Variants in TRAM2 observed in about 807,000 individuals in gnomAD.
TRAM2 encodes translocating chain-associated membrane protein 2.
A neutral mutation model predicts 51.0 loss-of-function variants in TRAM2; 12 were observed. The ratio of observed to expected loss-of-function variants is 0.24; its 90% CI spans 0.15 to 0.38. The LOEUF (loss-of-function observed/expected upper bound fraction) is 0.38. Among genes scored for constraint, TRAM2 ranks in the 10% least tolerant of loss-of-function variants. TRAM2 has a pLI of 1.00. For missense variants in TRAM2, 361 were observed against 462.0 expected, an observed-to-expected ratio of 0.78 and a Z score of 2.00; for synonymous variants, 175 against 179.4, an observed-to-expected ratio of 0.98 and a Z score of 0.20.
Position 52,541,803 on chromosome 6 carries a change from G to GTTTTTTTTTTTTTTTTTTTT in TRAM2, c.121-5958_121-5957insAAAAAAAAAAAAAAAAAAAA, listed in dbSNP as rs56919932. Among the ~76,000 whole-genome samples the GTTTTTTTTTTTTTTTTTTTT allele has an allele frequency of 2.2e-4, 30 of 138,724 alleles. 1 individual carries two copies. The highest frequency in any genetic ancestry group is 5.8e-4 in the African/African-American group (22 of 37,614). 91.0% of individuals were successfully genotyped at this position (138,724 alleles called of 152,430 possible). ...TAAATCCTTTGGTTCAGTTTATTCT[G>GTTTTTTTTTTTTTTTTTTTT]TTTTTTTTTTTTTTGGCAGACACAT... is the stretch of plus-strand genomic sequence containing the variant. On this transcript the variant is annotated intron_variant, in intron 1 of 10. Coordinates refer to ENST00000182527, the MANE Select transcript of TRAM2 (RefSeq NM_012288.4).
In TRAM2 at chr6:52,501,251, G is replaced by A. The variant is rs1766216237; in HGVS notation, c.*1946C>T. ...TAAGGGTAATCAAAAGCAACCACGG[G>A]TAGCTCTTCCCATTTCTGCAACCTT... On this transcript the variant is annotated 3_prime_UTR_variant, in exon 11 of 11. Coordinates refer to ENST00000182527, the MANE Select transcript of TRAM2 (RefSeq NM_012288.4). The A allele has an allele frequency of 6.6e-6, 1 of 152,198 alleles. No homozygotes were observed. The highest frequency in any genetic ancestry group is 1.5e-5 in the Non-Finnish European group (1 of 68,024). 9.4% of individuals were successfully genotyped at this position (152,198 alleles called of 1,614,324 possible).
intron 2 of TRAM2, among the ~76,000 whole-genome samples, chr6:52,520,438 G>A (rs1033724998): frequency 3.9e-5 from 6 of 152,258 alleles, no homozygotes; most frequent in Non-Finnish European, 8.8e-5. Flanking sequence ...GGGAATTCCA[G>A]GCAGAGCAAT....
intron 1 of TRAM2, among the ~76,000 whole-genome samples, chr6:52,542,721 T>C (rs1454935673): frequency 1.3e-5 from 2 of 152,206 alleles, no homozygotes; most frequent in Non-Finnish European, 2.9e-5. Context: ...AGTGACATTG[T>C]GTATTTATGA....
intron 1 of TRAM2, among the ~76,000 whole-genome samples, chr6:52,556,039 T>C (rs1767399292): frequency 1.3e-5 from 2 of 152,318 alleles, no homozygotes; most frequent in South Asian, 4.1e-4. Context: ...CTGATCTCCA[T>C]TTAATTTAAC....
intron 1 of TRAM2, among the ~76,000 whole-genome samples, chr6:52,540,083 G>A (rs75526833): frequency 0.085 from 12,886 of 151,180 alleles, 751 homozygotes; most frequent in Non-Finnish European, 0.12. Context: ...ATTCTAAAAA[G>A]TGCAACTTTC....
At chr6:52,510,765 A>G (rs757941834) in intron 4 of TRAM2, among the ~76,000 whole-genome samples, 34 of 152,224 alleles carry the variant, frequency 2.2e-4, no homozygotes, top group Admixed American at 1.9e-3. Context: ...AGAAATTAGA[A>G]TTAATAGTGT....
At chr6:52,516,374 C>A (rs1766549820) in intron 3 of TRAM2, 2 of 593,050 alleles carry the variant, frequency 3.4e-6, no homozygotes, top group African/African-American at 1.9e-5. Context: ...ACTCAATGTG[C>A]CCCAGACCCA....
In TRAM2 at chr6:52,498,553, AGAG is replaced by A. The variant is rs1230879774; in HGVS notation, c.*4641_*4643del. The A allele has an allele frequency of 6.6e-6, 1 of 152,216 alleles. No homozygotes were observed. The highest frequency in any genetic ancestry group is 2.4e-5 in the African/African-American group (1 of 41,438). 9.4% of individuals were successfully genotyped at this position (152,216 alleles called of 1,614,324 possible). On this transcript the variant is annotated 3_prime_UTR_variant, in exon 11 of 11. Coordinates refer to ENST00000182527, the MANE Select transcript of TRAM2 (RefSeq NM_012288.4). ...GAGAAGGAGTTTGCTATGTGGGGCCAGAGGAGAGTTTTCGAAGTGGGGGCTGGA... is the reference window on the plus strand; with the variant it reads ...GAGAAGGAGTTTGCTATGTGGGGCCAGAGAGTTTTCGAAGTGGGGGCTGGA...
chr6:52,562,597 A>G (rs1767519248), intron 1 of TRAM2, among the ~76,000 whole-genome samples: 2 of 152,198 alleles, frequency 1.3e-5, no homozygotes, highest in Admixed American at 1.3e-4. Context: ...TCTAGGGTAC[A>G]TGTGCAGAAC....
intron 4 of TRAM2, 94 bp from the exon 5 acceptor site, chr6:52,509,680 C>T (rs1766418957): frequency 1.1e-5 from 11 of 1,025,614 alleles, no homozygotes; most frequent in African/African-American, 1.6e-5. Flanking sequence ...TGCATCCAGT[C>T]CCCACCTGAC....
intron 3 of TRAM2, 174 bp from the exon 4 acceptor site, chr6:52,516,296 G>A: frequency 3.1e-6 from 2 of 636,166 alleles, no homozygotes; most frequent in Non-Finnish European, 5.5e-6. Flanking sequence ...CTTGGTCTAA[G>A]GCAAGCATTT....
rs750112216 is a variant in TRAM2, at chr6:52,499,766, G to C, written c.*3431C>G. 1.3e-5 allele frequency: 2 copies of C among 152,276 alleles called. No individual in the cohort carries two copies. The highest frequency in any genetic ancestry group is 4.1e-4 in the South Asian group (2 of 4,822). The allele number at this position is 152,276 out of a possible 1,614,324, so 9.4% of individuals were successfully genotyped here. On this transcript the variant is annotated 3_prime_UTR_variant, in exon 11 of 11. Transcript: ENST00000182527. ...TCTATTGGGGTTTCTTAAATGTTGG[G>C]AAGTTATGCCTTGGGACATGAACAG... is the stretch of plus-strand genomic sequence containing the variant.
intron 4 of TRAM2, among the ~76,000 whole-genome samples, chr6:52,514,945 C>T (rs1435738862): frequency 6.6e-6 from 1 of 152,124 alleles, no homozygotes; most frequent in Non-Finnish European, 1.5e-5. Flanking sequence ...GTCTTGGGCC[C>T]CCCATTTAAA....
At chr6:52,541,803 G>GTTTTTTTTTTTTTTTTTTTTTTTTT (rs56919932) in intron 1 of TRAM2, among the ~76,000 whole-genome samples, 31 of 138,728 alleles carry the variant, frequency 2.2e-4, no homozygotes, top group South Asian at 7.1e-4. Flanking sequence ...AGTTTATTCT[G>GTTTTTTTTTTTTTTTTTTTTTTTTT]TTTTTTTTTT....
chr6:52,526,840 C>T (rs971550199), intron 2 of TRAM2, among the ~76,000 whole-genome samples: 9 of 152,182 alleles, frequency 5.9e-5, no homozygotes, highest in Non-Finnish European at 1.3e-4. Context: ...CATACAACAT[C>T]GCCTGGGCAT....
At position 52,526,976 on chromosome 6, in the gene TRAM2, AT is replaced by A. The variant is rs1237394546; in HGVS notation, c.184+8806del. 4.6e-5 allele frequency among the ~76,000 whole-genome samples: 7 copies of A among 152,312 alleles called. No homozygotes were observed. In the East Asian group the frequency reaches 1.2e-3, roughly 25 times the overall value. Reference sequence around the variant, plus strand: ...TCTCTCAAGAATCACATACAAAAAAATTTTTTTTAATTAAGGCTTTTTTTTT... The same window carrying A: ...TCTCTCAAGAATCACATACAAAAAAATTTTTTTAATTAAGGCTTTTTTTTT... On this transcript the variant is annotated intron_variant, in intron 2 of 10. Coordinates refer to ENST00000182527, the MANE Select transcript of TRAM2 (RefSeq NM_012288.4).
chr6:52,539,229 G>T (rs532395790), intron 1 of TRAM2, among the ~76,000 whole-genome samples: 2 of 152,296 alleles, frequency 1.3e-5, no homozygotes, highest in Admixed American at 6.5e-5. Flanking sequence ...GCACTAAAGA[G>T]ACTACGAAAA....
intron 4 of TRAM2, among the ~76,000 whole-genome samples, chr6:52,514,476 G>A (rs1766508432): frequency 6.6e-6 from 1 of 152,068 alleles, no homozygotes; most frequent in Non-Finnish European, 1.5e-5. Context: ...GCTCTTCCCA[G>A]AATAAAAAAC....
At chr6:52,575,163 A>AT (rs1239591977) in intron 1 of TRAM2, among the ~76,000 whole-genome samples, 3 of 152,226 alleles carry the variant, frequency 2.0e-5, no homozygotes, top group Non-Finnish European at 4.4e-5. Flanking sequence ...AGGAGATGTT[A>AT]TGGCTTTTGT....
Sources: allele counts gnomAD v4.1 joint callset (sites outside exome capture counted in the v4.1 genomes callset), GRCh38; gene constraint gnomAD v4.1.1; transcripts MANE v1.5; gene names NCBI Gene and HGNC (gene_info 2026-07-23, HGNC 2026-07-21).